UBE2V2: variants seen among roughly 807,000 people sequenced by gnomAD.
The protein encoded by UBE2V2 is ubiquitin-conjugating enzyme E2 variant 2.
UBE2V2 carries 9 observed loss-of-function variants against 17.2 expected under a neutral mutation model. That is an observed-to-expected ratio of 0.52 (90% CI 0.32 to 0.91). The LOEUF (loss-of-function observed/expected upper bound fraction) is 0.91. UBE2V2 is among the 40% of genes least tolerant of loss of function. The pLI is 0.04. For missense variants in UBE2V2, 133 were observed against 182.6 expected (o/e 0.73, Z 1.56); for synonymous variants, 61 against 57.5 (o/e 1.06, Z -0.28).
At chr8:48,042,452 G>A (rs1349488169) in intron 1 of UBE2V2, 1 of 151,830 alleles carries the variant, frequency 6.6e-6, no homozygotes. Context: ...GTGTGAATTT[G>A]CTTTAGAAGT....
At chr8:48,049,781 T>A (rs536771508) in intron 2 of UBE2V2, 72 bp from the exon 3 acceptor site, 1 of 1,395,226 alleles carries the variant, frequency 7.2e-7, no homozygotes, top group Admixed American at 2.4e-5. Context: ...TTCCCTTTTT[T>A]TTTTTTAGCA....
the UBE2V2 span, among the ~76,000 whole-genome samples, chr8:48,002,992 A>C: frequency 5.9e-5 from 9 of 152,152 alleles, no homozygotes; most frequent in African/African-American, 2.2e-4. Flanking sequence ...AAGGCGAATC[A>C]TGAGGTCAAG....
chr8:48,010,973 C>T (rs1249276183), intron 1 of UBE2V2, among the ~76,000 whole-genome samples: 8 of 150,928 alleles, frequency 5.3e-5, no homozygotes, highest in African/African-American at 7.3e-5. Flanking sequence ...CCAGGCAATC[C>T]GCCCACCTTG....
At chr8:48,014,775 G>A (rs377365934) in intron 1 of UBE2V2, among the ~76,000 whole-genome samples, 49 of 151,974 alleles carry the variant, frequency 3.2e-4, no homozygotes, top group African/African-American at 1.1e-3. Flanking sequence ...TGTTGGCTGG[G>A]CGTGGTGGCT....
intron 1 of UBE2V2, among the ~76,000 whole-genome samples, chr8:48,027,943 T>C (rs1249889672): frequency 1.3e-5 from 2 of 152,050 alleles, no homozygotes; most frequent in African/African-American, 2.4e-5. Context: ...AACCTCTGCC[T>C]CCTGGGTTCA....
chr8:48,031,283 T>A (rs541931528), intron 1 of UBE2V2, among the ~76,000 whole-genome samples: 2 of 152,314 alleles, frequency 1.3e-5, no homozygotes, highest in Admixed American at 1.3e-4. Context: ...TAGATTGTAA[T>A]ATTTCACTGT....
At chr8:48,039,861 G>A (rs901943865) in intron 1 of UBE2V2, among the ~76,000 whole-genome samples, 21 of 151,862 alleles carry the variant, frequency 1.4e-4, no homozygotes, top group Non-Finnish European at 2.4e-4. Flanking sequence ...GAATAGCTGG[G>A]ACCACAGGCA....
chr8:48,034,990 G>A, intron 1 of UBE2V2: 1 of 981,806 alleles, frequency 1.0e-6, no homozygotes, highest in Non-Finnish European at 1.2e-6. Context: ...GTGGTGTCAG[G>A]GTGTTCAGAA....
intron 3 of UBE2V2, among the ~76,000 whole-genome samples, chr8:48,052,298 T>C (rs1272663651): frequency 1.3e-5 from 2 of 152,242 alleles, no homozygotes; most frequent in Admixed American, 6.5e-5. Context: ...ACTAGACATA[T>C]CTGGTTTTCT....
At chr8:48,059,491 C>T (rs988631949) in intron 3 of UBE2V2, among the ~76,000 whole-genome samples, 1 of 152,046 alleles carries the variant, frequency 6.6e-6, no homozygotes, top group Non-Finnish European at 1.5e-5. Flanking sequence ...TCACTGCAGC[C>T]TCCACCTCCC....
At chr8:48,023,007 A>G (rs1380182674) in intron 1 of UBE2V2, among the ~76,000 whole-genome samples, 2 of 151,844 alleles carry the variant, frequency 1.3e-5, no homozygotes, top group African/African-American at 2.4e-5. Context: ...GCTGCTAGGT[A>G]TATTGGAAGT....
upstream of UBE2V2, among the ~76,000 whole-genome samples, chr8:48,006,759 T>C (rs910903957): frequency 2.0e-5 from 3 of 152,186 alleles, no homozygotes; most frequent in Non-Finnish European, 2.9e-5. Context: ...CTAAAAACTC[T>C]CAATAAACTA....
chr8:48,042,304 G>C (rs1407458143), intron 1 of UBE2V2: 2 of 152,056 alleles, frequency 1.3e-5, no homozygotes, highest in Non-Finnish European at 2.9e-5. Flanking sequence ...TATCTAAGGT[G>C]CATAAAATTA....
chr8:48,019,382 A>G (rs2091289782), intron 1 of UBE2V2, among the ~76,000 whole-genome samples: 1 of 151,398 alleles, frequency 6.6e-6, no homozygotes, highest in African/African-American at 2.4e-5. Context: ...ACAAACAAAA[A>G]TTGGGCGTGG....
intron 2 of UBE2V2, among the ~76,000 whole-genome samples, chr8:48,046,316 C>T (rs570902919): frequency 1.2e-4 from 18 of 152,244 alleles, no homozygotes; most frequent in African/African-American, 4.3e-4. Flanking sequence ...GATGGGGTTT[C>T]ACCATGTTAG....
intron 3 of UBE2V2, among the ~76,000 whole-genome samples, chr8:48,053,087 G>A (rs1233802579): frequency 6.6e-6 from 1 of 151,954 alleles, no homozygotes; most frequent in African/African-American, 2.4e-5. Flanking sequence ...AATACAGATG[G>A]GGGTTTGCCA....
intron 1 of UBE2V2, chr8:48,034,778 A>C (rs202177411): frequency 6.6e-6 from 1 of 152,274 alleles, no homozygotes; most frequent in East Asian, 1.9e-4. Flanking sequence ...AACAAATTAC[A>C]TCAAAACTTT....
chr8:48,025,835 C>T (rs540634293), intron 1 of UBE2V2, among the ~76,000 whole-genome samples: 1 of 148,942 alleles, frequency 6.7e-6, no homozygotes, highest in African/African-American at 2.5e-5. Flanking sequence ...CTCCTGACCT[C>T]GTGATCCGCC....
intron 1 of UBE2V2, among the ~76,000 whole-genome samples, chr8:48,033,723 C>T (rs551921508): frequency 4.6e-5 from 7 of 151,858 alleles, no homozygotes; most frequent in Admixed American, 1.3e-4. Context: ...TTTGGGAGGC[C>T]GAGGCAGGCT....
Sources: gnomAD v4.1 joint callset for allele counts (sites outside exome capture counted in the v4.1 genomes callset) on GRCh38, gnomAD v4.1.1 for gene constraint, MANE v1.5 for transcripts, NCBI Gene and HGNC (gene_info 2026-07-23, HGNC 2026-07-21) for gene names.